Variants in COL18A1 observed in about 807,000 individuals in gnomAD.
COL18A1 encodes collagen type XVIII alpha 1 chain.
In COL18A1, 133 loss-of-function variants were observed where a neutral mutation model predicts 168.0. The observed-to-expected ratio is 0.79, with a 90% CI of 0.69 to 0.91. COL18A1 has a LOEUF of 0.91. Ranked by LOEUF, COL18A1 falls within the 40% of genes least tolerant of loss-of-function variation. The pLI is 0.00. For synonymous variants in COL18A1, 949 were observed against 809.0 expected (o/e 1.17, Z -2.94); for missense variants, 2,126 against 1,925.4 (o/e 1.10, Z -1.95).
intron 2 of COL18A1, chr21:45,424,346 C>T: frequency 7.1e-6 from 1 of 141,316 alleles, no homozygotes; most frequent in Non-Finnish European, 1.6e-5. Flanking sequence ...GCCCTCTCTG[C>T]AGGGCGGAGA....
At chr21:45,502,946 G>A (rs960994193) in intron 32 of COL18A1, 3 of 152,168 alleles carry the variant, frequency 2.0e-5, no homozygotes, top group Non-Finnish European at 2.9e-5. Context: ...TGGAAGGGCA[G>A]TCTAGAAAAA....
intron 22 of COL18A1, 51 bp downstream of exon 22, chr21:45,491,365 G>A: frequency 9.2e-7 from 1 of 1,088,496 alleles, no homozygotes; most frequent in South Asian, 1.3e-5. Flanking sequence ...CCCCCACGGG[G>A]TGCAGAGATC....
rs777364868 is a variant in COL18A1, at chr21:45,437,688, GCACACA to G, written c.107-30542_107-30537del. On this transcript the variant is annotated intron_variant, in intron 2 of 41. Coordinates refer to ENST00000651438, the MANE Select transcript of COL18A1 (RefSeq NM_001379500.1). ...CACTCAGACACACAGGCACTCTCCT[GCACACA>G]CACACACACACTCAGACACACAGGC... Among the ~76,000 whole-genome samples the G allele has an allele frequency of 1.2e-4, 4 of 32,702 alleles. 1 individual carries two copies. 21.5% of individuals were successfully genotyped at this position (32,702 alleles called of 152,430 possible). A position where few individuals can be genotyped will look rare whatever the true frequency, so the allele number is the denominator to read the frequency against.
At chr21:45,434,770 C>T (rs931780639) in intron 2 of COL18A1, among the ~76,000 whole-genome samples, 44 of 150,446 alleles carry the variant, frequency 2.9e-4, no homozygotes, top group African/African-American at 1.1e-3. Flanking sequence ...CACGTCTTGG[C>T]GGGGGTCCCG....
At chr21:45,451,339 T>A (rs1415694460) in intron 2 of COL18A1, among the ~76,000 whole-genome samples, 1 of 152,192 alleles carries the variant, frequency 6.6e-6, no homozygotes, top group African/African-American at 2.4e-5. Context: ...TGTGATGATG[T>A]GCAACCCAGC....
chr21:45,422,000 C>A (rs1029075510), intron 2 of COL18A1, among the ~76,000 whole-genome samples: 1 of 152,118 alleles, frequency 6.6e-6, no homozygotes, highest in Non-Finnish European at 1.5e-5. Context: ...GACACACGCT[C>A]GGGCCGATAC....
chr21:45,491,237 A>T lies in COL18A1; in HGVS notation c.2080A>T (p.Lys694Ter). The change falls in exon 22 of 42, where the codon AAG becomes TAG. Residue 694 changes from lysine (K) to a stop codon, truncating the protein, a stop_gained. Transcript: ENST00000651438. LOFTEE classifies it high-confidence loss of function. ...CCTCCTCTTCCAGGGAGATCCAGGG[A>T]AGGACGGAGTCGGGCAGCCGGGCCT... The part of the protein sequence containing the change: ...GSRGEKGDPG[K>*]DGVGQPGLPG... 1 of 1,612,240 alleles carries T rather than the reference A, an allele frequency of 6.2e-7. No homozygotes were observed. The highest frequency in any genetic ancestry group is 8.5e-7 in the Non-Finnish European group (1 of 1,179,538).
Position 45,497,097 on chromosome 21 carries a change from G to C in COL18A1, c.2620+5G>C. ...CCGGGCCTCCAGGATTGCCAGGTGA[G>C]GGTCCTGGGCTCACAGCTGGGGACA... On this transcript the variant is annotated splice_donor_5th_base_variant and intron_variant, in intron 31 of 41. Transcript: ENST00000651438. 6.4e-7 allele frequency: 1 copy of C among 1,568,846 alleles called. No homozygotes were observed. The highest frequency in any genetic ancestry group is 8.7e-7 in the Non-Finnish European group (1 of 1,148,042).
At chr21:45,490,677 G>A (rs541600098) in intron 20 of COL18A1, among the ~76,000 whole-genome samples, 159 bp from the exon 21 acceptor site, 1 of 149,774 alleles carries the variant, frequency 6.7e-6, no homozygotes, top group South Asian at 2.1e-4. Flanking sequence ...CAGGAGTTAA[G>A]TATAAGTCTC....
Position 45,412,233 on chromosome 21 carries a change from A to G in COL18A1, c.106+6760A>G, listed in dbSNP as rs1051767310. Among the ~76,000 whole-genome samples the G allele has an allele frequency of 9.6e-4, 92 of 96,164 alleles. 1 individual carries two copies. The highest frequency in any genetic ancestry group is 4.9e-3 in the Admixed American group (37 of 7,576). 63.1% of individuals were successfully genotyped at this position (96,164 alleles called of 152,430 possible). On this transcript the variant is annotated intron_variant, in intron 2 of 41. Coordinates refer to ENST00000651438, the MANE Select transcript of COL18A1 (RefSeq NM_001379500.1). The stretch of plus-strand genomic sequence containing the variant: ...ATGATATTTCTTTAACTGGGGGTAT[A>G]TTTCTTTTTTTTTTTTTTTTCGAGA...
intron 2 of COL18A1, among the ~76,000 whole-genome samples, chr21:45,433,634 C>T (rs1360927216): frequency 6.6e-6 from 1 of 152,218 alleles, no homozygotes; most frequent in Admixed American, 6.5e-5. Flanking sequence ...TTTGAAGTCA[C>T]CCCTGGGGGA....
intron 15 of COL18A1, among the ~76,000 whole-genome samples, chr21:45,483,278 A>T (rs2035963033): frequency 1.3e-5 from 2 of 152,098 alleles, no homozygotes; most frequent in Non-Finnish European, 2.9e-5. Flanking sequence ...CCGCAGGCTC[A>T]TGAGCATCTG....
In COL18A1 at chr21:45,473,398, T is replaced by C. The variant is rs1294159376; in HGVS notation, c.652-497T>C. Among the ~76,000 whole-genome samples the C allele has an allele frequency of 6.6e-6, 1 of 152,228 alleles. No homozygotes were observed. The highest frequency in any genetic ancestry group is 2.4e-5 in the African/African-American group (1 of 41,466). On this transcript the variant is annotated intron_variant, in intron 3 of 41. Coordinates refer to ENST00000651438, the MANE Select transcript of COL18A1 (RefSeq NM_001379500.1). This position sits in a 1 kb window ranked among gnomAD's most constrained non-coding sequence, Gnocchi z 4.0. ...CATCTGCGGCGTTTCTGTCCTTGGCTTCTGGGTTTTGTTTTTGATGAAAAG... is the reference window on the plus strand; with the variant it reads ...CATCTGCGGCGTTTCTGTCCTTGGCCTCTGGGTTTTGTTTTTGATGAAAAG...
chr21:45,432,074 G>A (rs767926107), intron 2 of COL18A1, among the ~76,000 whole-genome samples: 7 of 152,184 alleles, frequency 4.6e-5, no homozygotes, highest in Admixed American at 1.3e-4. Flanking sequence ...TGCCCACCTC[G>A]GTCCCCACTG....
rs1310616232 is a variant in COL18A1, at chr21:45,512,131, C to T, written c.3810-57C>T. On this transcript the variant is annotated intron_variant, in intron 41 of 41. Coordinates refer to ENST00000651438, the MANE Select transcript of COL18A1 (RefSeq NM_001379500.1). ...TCCACCTTTCCTGCCCGGGGAGCGGCCTCTGCCCTAAGCAGAGCAGGTCTG... is the reference window on the plus strand; with the variant it reads ...TCCACCTTTCCTGCCCGGGGAGCGGTCTCTGCCCTAAGCAGAGCAGGTCTG... 315 of 1,546,932 alleles carry T rather than the reference C, an allele frequency of 2.0e-4. 1 individual carries two copies. The South Asian group carries it at 2.3e-3, about 11-fold the overall frequency.
intron 2 of COL18A1, among the ~76,000 whole-genome samples, chr21:45,434,109 A>C (rs1014337344): frequency 1.3e-5 from 2 of 152,060 alleles, no homozygotes; most frequent in African/African-American, 4.8e-5. Flanking sequence ...TGCATGGGCC[A>C]GGTGTGTGAG....
At position 45,471,503 on chromosome 21, in the gene COL18A1, C is replaced by T. The variant is rs768508568; in HGVS notation, c.652-2392C>T. On this transcript the variant is annotated intron_variant, in intron 3 of 41. Coordinates refer to ENST00000651438, the MANE Select transcript of COL18A1 (RefSeq NM_001379500.1). This position sits in a 1 kb window ranked among gnomAD's most constrained non-coding sequence, Gnocchi z 4.4. Reference sequence around the variant, plus strand: ...CCTCAGCCTCTCCACAAGACTGCATCGACCCTGGCGCTGCCACAGATGGTG... The same window carrying T: ...CCTCAGCCTCTCCACAAGACTGCATTGACCCTGGCGCTGCCACAGATGGTG... Among the ~76,000 whole-genome samples the T allele has an allele frequency of 2.0e-5, 3 of 152,206 alleles. No homozygotes were observed. Among genetic ancestry groups the T allele is most frequent in the East Asian group, 1.9e-4 (1 of 5,192 alleles).
intron 41 of COL18A1, among the ~76,000 whole-genome samples, chr21:45,511,672 C>A (rs927767462): frequency 6.6e-6 from 1 of 152,116 alleles, no homozygotes; most frequent in Non-Finnish European, 1.5e-5. Flanking sequence ...GTGCCCTCCC[C>A]ACGTGAGCGC....
intron 38 of COL18A1, among the ~76,000 whole-genome samples, chr21:45,508,750 T>A (rs1360594835): frequency 6.6e-6 from 1 of 152,122 alleles, no homozygotes; most frequent in African/African-American, 2.4e-5. Context: ...CAGTCAATAG[T>A]CATGGCCCCT....
Sources: allele counts gnomAD v4.1 joint callset (sites outside exome capture counted in the v4.1 genomes callset), GRCh38; gene constraint gnomAD v4.1.1; non-coding constraint Gnocchi (gnomAD v3.1); transcripts MANE v1.5; gene names NCBI Gene and HGNC (gene_info 2026-07-23, HGNC 2026-07-21).